Variants in SH3GL2 observed in about 807,000 individuals in gnomAD.
SH3GL2 encodes endophilin-A1.
Under a neutral mutation model 46.0 loss-of-function variants are expected in SH3GL2, and 24 were observed. The observed-to-expected ratio is 0.52, with a 90% confidence interval of 0.38 to 0.73. The LOEUF is 0.73. SH3GL2 is among the 30% of genes least tolerant of loss of function. SH3GL2 has a pLI of 0.00. For synonymous variants in SH3GL2, 196 were observed against 147.1 expected, an observed-to-expected ratio of 1.33 and a Z score of -2.40; for missense variants, 413 against 424.2, an observed-to-expected ratio of 0.97 and a Z score of 0.23.
chr9:17,715,067 G>A (rs537593700), intron 1 of SH3GL2, among the ~76,000 whole-genome samples: 3 of 151,430 alleles, frequency 2.0e-5, no homozygotes, highest in South Asian at 4.2e-4. Context: ...TTTTTGTTTT[G>A]TATTGCATAT....
intron 1 of SH3GL2, among the ~76,000 whole-genome samples, chr9:17,701,061 T>C (rs539606756): frequency 5.3e-5 from 8 of 152,232 alleles, no homozygotes; most frequent in African/African-American, 1.7e-4. Context: ...CTATAACCTT[T>C]CATCATTCCA....
chr9:17,747,217 C>T, intron 2 of SH3GL2, 83 bp downstream of exon 2: 2 of 793,290 alleles, frequency 2.5e-6, no homozygotes, highest in South Asian at 3.3e-5. Flanking sequence ...CGGGAGAGGG[C>T]AACTGTTTTC....
chr9:17,719,423 G>A (rs1388626573), intron 1 of SH3GL2, among the ~76,000 whole-genome samples: 1 of 152,090 alleles, frequency 6.6e-6, no homozygotes, highest in African/African-American at 2.4e-5. Context: ...ATGAAGAAGG[G>A]ACAGAATCTT....
intron 1 of SH3GL2, among the ~76,000 whole-genome samples, chr9:17,609,414 G>A (rs905211517): frequency 4.6e-5 from 7 of 152,040 alleles, no homozygotes; most frequent in Non-Finnish European, 1.0e-4. Flanking sequence ...GAAAAGTACA[G>A]GGGTTGCAAA....
chr9:17,640,141 G>A (rs1819641836), intron 1 of SH3GL2, among the ~76,000 whole-genome samples: 1 of 151,888 alleles, frequency 6.6e-6, no homozygotes, highest in Non-Finnish European at 1.5e-5. Flanking sequence ...TTATTATTTT[G>A]TCATTAATTT....
chr9:17,710,990 A>C (rs573902935), intron 1 of SH3GL2, among the ~76,000 whole-genome samples: 2 of 152,116 alleles, frequency 1.3e-5, no homozygotes, highest in East Asian at 3.9e-4. Context: ...GTGCACATTC[A>C]TTCTCTGTCT....
chr9:17,599,676 G>A (rs1305653276), intron 1 of SH3GL2, among the ~76,000 whole-genome samples: 6 of 152,258 alleles, frequency 3.9e-5, no homozygotes, highest in East Asian at 3.9e-4. Context: ...ACGTGCTTAC[G>A]GTTGGGGGAC....
chr9:17,617,143 C>T (rs1057170019), intron 1 of SH3GL2, among the ~76,000 whole-genome samples: 7 of 152,066 alleles, frequency 4.6e-5, no homozygotes, highest in African/African-American at 1.7e-4. Flanking sequence ...CAAGAGCTTC[C>T]CCATTGTTTC....
intron 1 of SH3GL2, among the ~76,000 whole-genome samples, chr9:17,713,212 C>T (rs1041960013): frequency 1.3e-5 from 2 of 151,380 alleles, no homozygotes; most frequent in African/African-American, 4.8e-5. Flanking sequence ...CTCGGATAAA[C>T]TCCACTTATC....
chr9:17,685,376 C>A (rs1344969764), intron 1 of SH3GL2, among the ~76,000 whole-genome samples: 4 of 152,064 alleles, frequency 2.6e-5, no homozygotes, highest in African/African-American at 9.7e-5. Flanking sequence ...CCCCACATTA[C>A]TGACAATAAT....
intron 1 of SH3GL2, among the ~76,000 whole-genome samples, chr9:17,595,350 C>G (rs1022583966): frequency 4.6e-5 from 7 of 152,092 alleles, no homozygotes; most frequent in Non-Finnish European, 1.5e-5. Context: ...GGCCAAGATA[C>G]GAATGCAAAA....
intron 1 of SH3GL2, among the ~76,000 whole-genome samples, chr9:17,591,819 G>A (rs1294061142): frequency 6.6e-6 from 1 of 152,158 alleles, no homozygotes; most frequent in African/African-American, 2.4e-5. Flanking sequence ...GAATGATTCA[G>A]GTGAACGTAG....
At chr9:17,655,887 G>A (rs1370480493) in intron 1 of SH3GL2, among the ~76,000 whole-genome samples, 1 of 152,166 alleles carries the variant, frequency 6.6e-6, no homozygotes, top group Non-Finnish European at 1.5e-5. Flanking sequence ...GGTGGGTCCA[G>A]GTCACTTTGC....
At chr9:17,768,854 A>G (rs1823393440) in intron 3 of SH3GL2, among the ~76,000 whole-genome samples, 1 of 152,194 alleles carries the variant, frequency 6.6e-6, no homozygotes, top group South Asian at 2.1e-4. Flanking sequence ...AGTTCCCCTC[A>G]ACAAATCTCT....
At chr9:17,670,140 C>A (rs1820437763) in intron 1 of SH3GL2, among the ~76,000 whole-genome samples, 1 of 152,076 alleles carries the variant, frequency 6.6e-6, no homozygotes, top group Admixed American at 6.5e-5. Flanking sequence ...TTGCTTATTT[C>A]TTTCTTACTG....
At chr9:17,582,117 G>A (rs1818288642) in intron 1 of SH3GL2, among the ~76,000 whole-genome samples, 1 of 152,200 alleles carries the variant, frequency 6.6e-6, no homozygotes, top group African/African-American at 2.4e-5. Flanking sequence ...CTGATTAAAT[G>A]TGTCACAACT....
intron 1 of SH3GL2, among the ~76,000 whole-genome samples, chr9:17,660,782 G>T (rs1820193657): frequency 6.6e-6 from 1 of 152,140 alleles, no homozygotes; most frequent in East Asian, 1.9e-4. Context: ...CTTCCATGGG[G>T]TGTTTGAATA....
chr9:17,735,172 A>C (rs541255060), intron 1 of SH3GL2, among the ~76,000 whole-genome samples: 27 of 152,122 alleles, frequency 1.8e-4, no homozygotes, highest in African/African-American at 6.5e-4. Flanking sequence ...TGAACAACTA[A>C]AGGGGCAGCC....
At chr9:17,579,880 C>G (rs139430071) in intron 1 of SH3GL2, among the ~76,000 whole-genome samples, 1 of 152,314 alleles carries the variant, frequency 6.6e-6, no homozygotes, top group Non-Finnish European at 1.5e-5. Context: ...CTGGAGAACT[C>G]GGTCGTGAAA....
Sources: gnomAD v4.1 joint callset for allele counts (sites outside exome capture counted in the v4.1 genomes callset) on GRCh38, gnomAD v4.1.1 for gene constraint, MANE v1.5 for transcripts, NCBI Gene and HGNC (gene_info 2026-07-23, HGNC 2026-07-21) for gene names.